The following CAMTA1 variants were observed in gnomAD, a reference collection of about 807,000 sequenced individuals.
The protein encoded by CAMTA1 is calmodulin-binding transcription activator 1.
Under a neutral mutation model 170.9 loss-of-function variants are expected in CAMTA1, and 27 were observed. The observed-to-expected ratio is 0.16, with a 90% CI of 0.12 to 0.22. The LOEUF (loss-of-function observed/expected upper bound fraction) is 0.22. CAMTA1 is among the 10% of genes least tolerant of loss of function. The pLI is 1.00. For synonymous variants in CAMTA1, 833 were observed against 891.5 expected (o/e 0.93, Z 1.17); for missense variants, 1,619 against 2,217.2 (o/e 0.73, Z 5.42).
intron 6 of CAMTA1, among the ~76,000 whole-genome samples, chr1:7,591,838 C>T (rs928385062): frequency 4.6e-5 from 7 of 152,348 alleles, no homozygotes; most frequent in African/African-American, 9.6e-5. Flanking sequence ...TCCCTCTGCC[C>T]GCCACGCCTC....
Position 7,203,717 on chromosome 1 carries a change from T to C in CAMTA1, c.303-45774T>C, listed in dbSNP as rs187105295. Among the ~76,000 whole-genome samples the C allele has an allele frequency of 1.1e-3, 161 of 152,136 alleles. 1 individual carries two copies. The Middle Eastern group carries it at 0.02, about 19-fold the overall frequency. ...GATAATACTGTCCCTGTTCTCATTTTTGCCTCTAGTTATTTGAGTTTTCTC... is the reference window on the plus strand; with the variant it reads ...GATAATACTGTCCCTGTTCTCATTTCTGCCTCTAGTTATTTGAGTTTTCTC... On this transcript the variant is annotated intron_variant, in intron 4 of 22. Coordinates refer to ENST00000303635, the MANE Select transcript of CAMTA1 (RefSeq NM_015215.4).
intron 16 of CAMTA1, among the ~76,000 whole-genome samples, chr1:7,744,441 G>A (rs1363127332): frequency 6.6e-6 from 1 of 152,130 alleles, no homozygotes; most frequent in Non-Finnish European, 1.5e-5. Context: ...CTAGACCGGG[G>A]TTCTCTAGGC....
At position 7,236,934 on chromosome 1, in the gene CAMTA1, C is replaced by T. The variant is rs141662848; in HGVS notation, c.303-12557C>T. Reference sequence around the variant, plus strand: ...TGGAACAGAGATTCTGCACTGGCCTCAGGAATAGTGTCCACTCTTCTAGGA... The same window carrying T: ...TGGAACAGAGATTCTGCACTGGCCTTAGGAATAGTGTCCACTCTTCTAGGA... On this transcript the variant is annotated intron_variant, in intron 4 of 22. Transcript: ENST00000303635. Among the ~76,000 whole-genome samples, 4 of 152,330 alleles carry T rather than the reference C, an allele frequency of 2.6e-5. No homozygotes were observed. In the East Asian group the frequency reaches 7.7e-4, roughly 29 times the overall value.
At position 7,685,524 on chromosome 1, in the gene CAMTA1, C is replaced by A. The variant is rs2096251105; in HGVS notation, c.2914+7791C>A. Among the ~76,000 whole-genome samples, 1 of 152,210 alleles carries A rather than the reference C, an allele frequency of 6.6e-6. No homozygotes were observed. Reference sequence around the variant, plus strand: ...TTGATGGCCCCTTCCCCAGGCGAAGCCCTCTGGCTCTGGGCAGTGCGATTC... The same window carrying A: ...TTGATGGCCCCTTCCCCAGGCGAAGACCTCTGGCTCTGGGCAGTGCGATTC... On this transcript the variant is annotated intron_variant, in intron 11 of 22. Transcript: ENST00000303635. This position sits in a 1 kb window ranked among gnomAD's most constrained non-coding sequence, Gnocchi z 5.7.
intron 5 of CAMTA1, among the ~76,000 whole-genome samples, chr1:7,317,030 A>C (rs758501033): frequency 6.6e-6 from 1 of 152,182 alleles, no homozygotes; most frequent in Non-Finnish European, 1.5e-5. Context: ...GAAACAAACT[A>C]TCAAGATGTG....
intron 3 of CAMTA1, among the ~76,000 whole-genome samples, chr1:6,941,183 C>T (rs909939134): frequency 6.6e-6 from 1 of 152,084 alleles, no homozygotes; most frequent in Non-Finnish European, 1.5e-5. Flanking sequence ...TCTGAAGATC[C>T]CCATAGCTCT....
intron 2 of CAMTA1, among the ~76,000 whole-genome samples, chr1:6,822,936 G>A (rs779152614): frequency 6.6e-6 from 1 of 151,988 alleles, no homozygotes; most frequent in Non-Finnish European, 1.5e-5. Context: ...ATAGAAGCTG[G>A]GGTTTAAAAC....
chr1:7,617,154 C>T (rs1004885525), intron 6 of CAMTA1, among the ~76,000 whole-genome samples: 3 of 152,204 alleles, frequency 2.0e-5, no homozygotes, highest in African/African-American at 7.2e-5. Flanking sequence ...CCTTGACCTT[C>T]ACTTCCAGCC....
At chr1:7,423,545 G>A (rs925763077) in intron 5 of CAMTA1, among the ~76,000 whole-genome samples, 2 of 151,094 alleles carry the variant, frequency 1.3e-5, no homozygotes, top group Admixed American at 6.6e-5. Context: ...TCCCCCCGCC[G>A]GGTGTCATTA....
chr1:7,376,382 T>C (rs1385255074), intron 5 of CAMTA1, among the ~76,000 whole-genome samples: 3 of 152,160 alleles, frequency 2.0e-5, no homozygotes, highest in Non-Finnish European at 4.4e-5. Flanking sequence ...GCTAGTTAGC[T>C]CCAGGGGGCT....
intron 3 of CAMTA1, among the ~76,000 whole-genome samples, chr1:7,031,846 C>A (rs191062943): frequency 2.0e-5 from 3 of 152,210 alleles, no homozygotes; most frequent in Non-Finnish European, 2.9e-5. Context: ...CAGCCAATCT[C>A]TGTCTTTTAT....
At chr1:6,939,540 G>C (rs1686053542) in intron 3 of CAMTA1, among the ~76,000 whole-genome samples, 1 of 152,198 alleles carries the variant, frequency 6.6e-6, no homozygotes, top group African/African-American at 2.4e-5. Flanking sequence ...CAGCAAAGTG[G>C]CTCCAACCTG....
Position 7,732,315 on chromosome 1 carries a change from C to T in CAMTA1, c.2915-133C>T, listed in dbSNP as rs904337083. Reference sequence around the variant, plus strand: ...TCACGATCGTGCTGGGGAACTCTGGCTGGCGGAGACCTCTCTGGTTTGGTG... The same window carrying T: ...TCACGATCGTGCTGGGGAACTCTGGTTGGCGGAGACCTCTCTGGTTTGGTG... On this transcript the variant is annotated intron_variant, in intron 11 of 22. Transcript: ENST00000303635. The surrounding 1 kb of genome is among the most constrained non-coding windows in gnomAD (Gnocchi z 4.1). 2 of 697,882 alleles carry T rather than the reference C, an allele frequency of 2.9e-6. No individual in the cohort carries two copies. Among genetic ancestry groups the T allele is most frequent in the Admixed American group, 4.6e-5 (2 of 43,066 alleles). 43.2% of individuals were successfully genotyped at this position (697,882 alleles called of 1,614,324 possible).
chr1:7,058,352 G>A (rs1187932897), intron 3 of CAMTA1, among the ~76,000 whole-genome samples: 1 of 152,210 alleles, frequency 6.6e-6, no homozygotes, highest in East Asian at 1.9e-4. Flanking sequence ...AAGAGAAAAA[G>A]TGGAAAAAGA....
chr1:7,555,201 C>T (rs926111909), intron 6 of CAMTA1, among the ~76,000 whole-genome samples: 31 of 152,188 alleles, frequency 2.0e-4, no homozygotes, highest in African/African-American at 6.3e-4. Flanking sequence ...ACACAGAGCT[C>T]GCCCTTTTTT....
At chr1:7,544,759 C>T (rs949270537) in intron 6 of CAMTA1, among the ~76,000 whole-genome samples, 1 of 152,178 alleles carries the variant, frequency 6.6e-6, no homozygotes, top group Admixed American at 6.5e-5. Flanking sequence ...GCAGCTTCCA[C>T]TCATGGTGGA....
intron 11 of CAMTA1, among the ~76,000 whole-genome samples, chr1:7,718,229 CAG>C (rs1178829332): frequency 1.3e-5 from 2 of 151,874 alleles, no homozygotes; most frequent in Non-Finnish European, 2.9e-5. Context: ...TCCGTAAACA[CAG>C]TGGGTGTTCC....
chr1:7,719,835 A>C lies in CAMTA1; in HGVS notation c.2915-12613A>C, dbSNP rs1317996302. Among the ~76,000 whole-genome samples, 8 of 152,368 alleles carry C rather than the reference A, an allele frequency of 5.3e-5. No individual in the cohort carries two copies. In the East Asian group the frequency reaches 1.5e-3, roughly 29 times the overall value. The stretch of plus-strand genomic sequence containing the variant: ...AGGAGACTTCCTAAGCAGCGCTCAC[A>C]GTGCTCTACAGAAATAGTTGCAGGC... On this transcript the variant is annotated intron_variant, in intron 11 of 22. Transcript: ENST00000303635.
chr1:7,478,869 A>G (rs951558794), intron 6 of CAMTA1, among the ~76,000 whole-genome samples: 1 of 152,206 alleles, frequency 6.6e-6, no homozygotes, highest in African/African-American at 2.4e-5. Context: ...TGTGTCCTTA[A>G]TATTCTAATC....
Sources: gnomAD v4.1 joint callset for allele counts (sites outside exome capture counted in the v4.1 genomes callset) on GRCh38, gnomAD v4.1.1 for gene constraint, Gnocchi (gnomAD v3.1) non-coding constraint, MANE v1.5 for transcripts, NCBI Gene and HGNC (gene_info 2026-07-23, HGNC 2026-07-21) for gene names.